AOAH: variants seen among roughly 807,000 people sequenced by gnomAD.
AOAH encodes acyloxyacyl hydrolase (neutrophil).
A neutral mutation model predicts 92.2 loss-of-function variants in AOAH; 64 were observed. That is an observed-to-expected ratio of 0.69 (90% CI 0.57 to 0.86). The LOEUF is 0.86. AOAH is among the 40% of genes least tolerant of loss of function. The probability of loss-of-function intolerance (pLI) is 0.00; values close to 1 mark genes in which losing one functional copy is unlikely to be tolerated. For synonymous variants in AOAH, 263 were observed against 254.5 expected, an observed-to-expected ratio of 1.03 and a Z score of -0.32; for missense variants, 656 against 694.6, an observed-to-expected ratio of 0.94 and a Z score of 0.62.
intron 3 of AOAH, among the ~76,000 whole-genome samples, chr7:36,667,329 C>G (rs906887773): frequency 6.6e-6 from 1 of 152,208 alleles, no homozygotes; most frequent in African/African-American, 2.4e-5. Flanking sequence ...TATACACTAT[C>G]TACTTGTCAG....
intron 4 of AOAH, among the ~76,000 whole-genome samples, chr7:36,638,998 T>A (rs1389746212): frequency 6.6e-6 from 1 of 152,236 alleles, no homozygotes; most frequent in East Asian, 1.9e-4. Flanking sequence ...ATGGGGCCAC[T>A]GTGATAGTCC....
intron 4 of AOAH, among the ~76,000 whole-genome samples, chr7:36,654,001 A>G (rs1396581231): frequency 6.6e-6 from 1 of 152,186 alleles, no homozygotes; most frequent in Non-Finnish European, 1.5e-5. Flanking sequence ...ATACACACGA[A>G]TAAGTTGCAT....
chr7:36,632,248 C>A, intron 5 of AOAH, 142 bp from the exon 6 acceptor site: 1 of 687,382 alleles, frequency 1.5e-6, no homozygotes, highest in Non-Finnish European at 2.5e-6. Flanking sequence ...AAATTTACCT[C>A]TTGTTCCTGT....
At chr7:36,677,887 G>A (rs2116691604) in intron 2 of AOAH, among the ~76,000 whole-genome samples, 1 of 152,288 alleles carries the variant, frequency 6.6e-6, no homozygotes, top group East Asian at 1.9e-4. Context: ...TATATGAAAT[G>A]CCCAAAACAG....
At chr7:36,556,477 A>G (rs1396738575) in intron 13 of AOAH, among the ~76,000 whole-genome samples, 1 of 151,898 alleles carries the variant, frequency 6.6e-6, no homozygotes, top group Non-Finnish European at 1.5e-5. Context: ...TGGGGTGGAG[A>G]GTTCTGTAGA....
At chr7:36,630,741 A>G (rs1308049141) in intron 6 of AOAH, among the ~76,000 whole-genome samples, 1 of 152,170 alleles carries the variant, frequency 6.6e-6, no homozygotes, top group African/African-American at 2.4e-5. Flanking sequence ...AGGCTCAGAG[A>G]CATTAAGTGG....
chr7:36,710,568 C>G (rs1798703771), intron 1 of AOAH, among the ~76,000 whole-genome samples: 1 of 152,174 alleles, frequency 6.6e-6, no homozygotes. Context: ...ATGTTATGTC[C>G]AGGCTTCTGA....
At chr7:36,657,703 A>T (rs4720210) in intron 4 of AOAH, among the ~76,000 whole-genome samples, 1 of 152,016 alleles carries the variant, frequency 6.6e-6, no homozygotes, top group African/African-American at 2.4e-5. Flanking sequence ...GGCGGTTCCC[A>T]CATGAAATCC....
At chr7:36,638,683 G>A (rs912057481) in intron 4 of AOAH, among the ~76,000 whole-genome samples, 8 of 152,046 alleles carry the variant, frequency 5.3e-5, no homozygotes, top group African/African-American at 1.9e-4. Flanking sequence ...GCATGTCCTG[G>A]CCCTGCCAAA....
In AOAH at chr7:36,618,264, CATT is replaced by C. The variant is rs763183285; in HGVS notation, c.751+30_751+32del. On this transcript the variant is annotated intron_variant, in intron 10 of 20. Coordinates refer to ENST00000617537, the MANE Select transcript of AOAH (RefSeq NM_001637.4). ...ACTCAAACTAGAAAAGAATATCTAT[CATT>C]ATAACCACAATGACATCCACAATTC... The C allele has an allele frequency of 1.6e-5, 26 of 1,594,008 alleles. No homozygotes were observed. In the African/African-American group the frequency reaches 3.4e-4, roughly 21 times the overall value.
intron 12 of AOAH, 31 bp from the exon 13 acceptor site, chr7:36,576,687 G>A: frequency 8.7e-7 from 1 of 1,151,360 alleles, no homozygotes; most frequent in South Asian, 1.5e-5. Flanking sequence ...TATATTTAAG[G>A]TCAGGATACT....
intron 12 of AOAH, among the ~76,000 whole-genome samples, chr7:36,586,068 C>T (rs1021173736): frequency 2.0e-5 from 3 of 152,076 alleles, no homozygotes; most frequent in Non-Finnish European, 2.9e-5. Context: ...GATGGTGCCT[C>T]CTTATGCCTG....
At chr7:36,688,741 T>A (rs1797193480) in intron 1 of AOAH, among the ~76,000 whole-genome samples, 1 of 152,052 alleles carries the variant, frequency 6.6e-6, no homozygotes, top group South Asian at 2.1e-4. Flanking sequence ...AACTCTGAAT[T>A]CCTGGCACAG....
chr7:36,614,981 C>A lies in AOAH; in HGVS notation c.846+1399G>T, dbSNP rs1343950824. Among the ~76,000 whole-genome samples, 15 of 152,074 alleles carry A rather than the reference C, an allele frequency of 9.9e-5. No homozygotes were observed. Among genetic ancestry groups the A allele is most frequent in the Admixed American group, 9.8e-4 (15 of 15,270 alleles). ...AGGCCTGAGTGTTTCAGGTTGGGAG[C>A]CTCAGTGCCTGGGAGGGTCTGTAAT... On this transcript the variant is annotated intron_variant, in intron 11 of 20. Transcript: ENST00000617537. The surrounding 1 kb of genome is among the most constrained non-coding windows in gnomAD (Gnocchi z 4.2).
In AOAH at chr7:36,674,002, C is replaced by T. The variant is rs764188603; in HGVS notation, c.231G>A (p.Leu77=). 2 of 1,601,094 alleles carry T rather than the reference C, an allele frequency of 1.2e-6. No individual in the cohort carries two copies. Among genetic ancestry groups the T allele is most frequent in the South Asian group, 2.2e-5 (2 of 90,294 alleles). Residue 77 remains leucine, a synonymous_variant, in exon 3 of 21, where the codon CTG becomes CTA. Coordinates refer to ENST00000617537, the MANE Select transcript of AOAH (RefSeq NM_001637.4). ...CTAAATAGCAGGTGGTTTTCAAGAA[C>T]AGTTTTTCTAAAAAATATAAAGAGG... ...ERLCSYLPEK[L]FLKTTCYLVI...
chr7:36,611,118 C>T (rs988932327), intron 11 of AOAH, among the ~76,000 whole-genome samples: 2 of 152,208 alleles, frequency 1.3e-5, no homozygotes, highest in African/African-American at 2.4e-5. Flanking sequence ...TGTCCCGTCT[C>T]CTATTCTTAC....
intron 4 of AOAH, among the ~76,000 whole-genome samples, chr7:36,651,846 TA>T (rs1212203537): frequency 1.3e-5 from 2 of 152,148 alleles, no homozygotes; most frequent in Non-Finnish European, 2.9e-5. Context: ...GATACTGGGT[TA>T]AAATTAGAGA....
rs184678179 is a variant in AOAH, at chr7:36,548,528, A to G, written c.1133+84T>C. Reference sequence around the variant, plus strand: ...AAATTCAGCTGAACAGCAGGCTGCTATAATGGAGTGGAGTTGGTGAGGAGA... The same window carrying G: ...AAATTCAGCTGAACAGCAGGCTGCTGTAATGGAGTGGAGTTGGTGAGGAGA... On this transcript the variant is annotated intron_variant, in intron 15 of 20. Transcript: ENST00000617537. The G allele has an allele frequency of 2.2e-4, 253 of 1,142,278 alleles. No homozygotes were observed. The African/African-American group carries it at 3.4e-3, about 15-fold the overall frequency. 70.8% of individuals were successfully genotyped at this position (1,142,278 alleles called of 1,614,324 possible). A position where few individuals can be genotyped will look rare whatever the true frequency, so the allele number is the denominator to read the frequency against.
intron 20 of AOAH, among the ~76,000 whole-genome samples, chr7:36,517,262 C>CTTTCTTTCTTTCTTTCTTTCTTTCTT (rs1783832210): frequency 7.5e-6 from 1 of 132,588 alleles, no homozygotes; most frequent in African/African-American, 3.1e-5. Context: ...CTGTGTCTCT[C>CTTTCTTTCTTTCTTTCTTTCTTTCTT]TCTTTCTTTC....
Sources: allele counts gnomAD v4.1 joint callset (sites outside exome capture counted in the v4.1 genomes callset), GRCh38; gene constraint gnomAD v4.1.1; non-coding constraint Gnocchi (gnomAD v3.1); transcripts MANE v1.5; gene names NCBI Gene and HGNC (gene_info 2026-07-23, HGNC 2026-07-21).